Variants in ZNF420 observed in about 807,000 individuals in gnomAD.
ZNF420 encodes the protein zinc finger protein 420, also known as ATM and p53-associated KZNF protein.
ZNF420 carries 31 observed loss-of-function variants against 44.7 expected under a neutral mutation model. The ratio of observed to expected loss-of-function variants is 0.69; its 90% CI spans 0.52 to 0.94. The LOEUF (loss-of-function observed/expected upper bound fraction) is 0.94. Among genes scored for constraint, ZNF420 ranks in the 40% least tolerant of loss-of-function variants. The pLI is 0.00. For synonymous variants in ZNF420, 245 were observed against 267.4 expected (o/e 0.92, Z 0.82); for missense variants, 681 against 827.9 (o/e 0.82, Z 2.18).
chr19:37,114,402 G>A (rs1187600633), intron 4 of ZNF420, among the ~76,000 whole-genome samples: 3 of 147,316 alleles, frequency 2.0e-5, no homozygotes. Context: ...ACTGTATTTG[G>A]ATTGGCATTG....
intron 1 of ZNF420, among the ~76,000 whole-genome samples, chr19:37,025,574 T>C (rs1813132650): frequency 6.6e-6 from 1 of 152,076 alleles, no homozygotes; most frequent in Admixed American, 6.6e-5. Context: ...CTACCTATCA[T>C]GTACTTGTTT....
chr19:37,034,189 G>T (rs1233077782), intron 1 of ZNF420, among the ~76,000 whole-genome samples: 1 of 151,546 alleles, frequency 6.6e-6, no homozygotes, highest in Non-Finnish European at 1.5e-5. Context: ...ATTTTTTCCT[G>T]TTTTTTTGAT....
chr19:37,127,455 C>T lies in ZNF420; in HGVS notation c.464C>T (p.Thr155Ile). Residue 155 changes from threonine to isoleucine, a missense_variant, in exon 5 of 5, where the codon ACA (threonine) becomes ATA (isoleucine). Thr to Ile is a moderately conservative substitution (Grantham distance 89, BLOSUM62 -1). This residue lies in a region of ZNF420 where 350 missense variants were observed against 382.5 expected (regional missense o/e 0.92). Coordinates refer to ENST00000337995, the MANE Select transcript of ZNF420 (RefSeq NM_144689.5). ...GKAFRRASHL[T>I]QHQSIHTGEK... is the part of the protein sequence containing the mutation. ...GCCTTCAGACGAGCCTCACACCTAA[C>T]ACAACATCAAAGTATTCATACTGGT... The T allele has an allele frequency of 6.2e-7, 1 of 1,613,990 alleles. No homozygotes were observed. The highest frequency in any genetic ancestry group is 8.5e-7 in the Non-Finnish European group (1 of 1,179,972).
Position 37,129,954 on chromosome 19 carries a change from A to C in ZNF420, c.*896A>C. On this transcript the variant is annotated 3_prime_UTR_variant, in exon 5 of 5. Coordinates refer to ENST00000337995, the MANE Select transcript of ZNF420 (RefSeq NM_144689.5). Reference sequence around the variant, plus strand: ...CTATTTTGCAATGAAAAATGATGAGAGTTTGTGATACAGACTGCTTTTTTC... The same window carrying C: ...CTATTTTGCAATGAAAAATGATGAGCGTTTGTGATACAGACTGCTTTTTTC... 1 of 1,405,626 alleles carries C rather than the reference A, an allele frequency of 7.1e-7. No individual in the cohort carries two copies. Among genetic ancestry groups the C allele is most frequent in the Non-Finnish European group, 9.3e-7 (1 of 1,075,334 alleles). The allele number at this position is 1,405,626 out of a possible 1,614,324, so 87.1% of individuals were successfully genotyped here. A position where few individuals can be genotyped will look rare whatever the true frequency, so the allele number is the denominator to read the frequency against.
chr19:37,033,819 T>G (rs1172183752), intron 1 of ZNF420, among the ~76,000 whole-genome samples: 1 of 152,200 alleles, frequency 6.6e-6, no homozygotes, highest in East Asian at 1.9e-4. Context: ...TTCAGTGGCA[T>G]GATCTCAGCT....
chr19:37,116,031 G>C (rs559074694), intron 4 of ZNF420, among the ~76,000 whole-genome samples: 1 of 152,084 alleles, frequency 6.6e-6, no homozygotes, highest in Admixed American at 6.6e-5. Context: ...CACAAGGTTG[G>C]GGGTAGGGTT....
At chr19:37,027,673 T>C (rs1393768915) in intron 1 of ZNF420, among the ~76,000 whole-genome samples, 2 of 152,230 alleles carry the variant, frequency 1.3e-5, no homozygotes, top group Non-Finnish European at 2.9e-5. Context: ...ATTGGAACTA[T>C]ACACTATGTG....
chr19:37,115,424 T>C (rs941076581), intron 4 of ZNF420, among the ~76,000 whole-genome samples: 14 of 151,956 alleles, frequency 9.2e-5, no homozygotes, highest in African/African-American at 3.4e-4. Context: ...GGCAGGACCG[T>C]AGGGTAATAG....
intron 1 of ZNF420, among the ~76,000 whole-genome samples, chr19:37,008,586 C>A (rs2074545998): frequency 6.6e-6 from 1 of 152,200 alleles, no homozygotes; most frequent in Non-Finnish European, 1.5e-5. Flanking sequence ...GGTTTTAAGT[C>A]CGCGAGACTC....
At chr19:37,018,716 C>T (rs1236381469) in intron 1 of ZNF420, among the ~76,000 whole-genome samples, 6 of 152,056 alleles carry the variant, frequency 3.9e-5, no homozygotes, top group African/African-American at 1.4e-4. Context: ...TATAGGTGTG[C>T]ACCACCATGC....
chr19:37,008,234 T>C (rs2074543264), intron 1 of ZNF420, among the ~76,000 whole-genome samples: 1 of 152,068 alleles, frequency 6.6e-6, no homozygotes, highest in South Asian at 2.1e-4. Flanking sequence ...GGGATGTTTG[T>C]GTACCACTGC....
At chr19:37,104,876 T>A (rs1196961465) in intron 4 of ZNF420, among the ~76,000 whole-genome samples, 1 of 152,208 alleles carries the variant, frequency 6.6e-6, no homozygotes, top group African/African-American at 2.4e-5. Context: ...AAATTTGAGT[T>A]CTTTGTAGAT....
chr19:37,105,411 A>G (rs1360466516), intron 4 of ZNF420, among the ~76,000 whole-genome samples: 2 of 152,252 alleles, frequency 1.3e-5, no homozygotes, highest in East Asian at 1.9e-4. Context: ...GCCTTGTAGT[A>G]TAGTTTGAGG....
intron 1 of ZNF420, among the ~76,000 whole-genome samples, chr19:37,034,513 T>C (rs1443185264): frequency 1.3e-5 from 2 of 152,236 alleles, no homozygotes; most frequent in African/African-American, 4.8e-5. Context: ...TTGCTTATTT[T>C]TTTCTTTTGT....
chr19:37,054,346 G>T (rs1034060131), intron 1 of ZNF420, among the ~76,000 whole-genome samples: 2 of 152,182 alleles, frequency 1.3e-5, no homozygotes, highest in Non-Finnish European at 2.9e-5. Context: ...CTCATGCTGG[G>T]TGTGCTGCAC....
chr19:37,039,874 A>G (rs2082010), intron 1 of ZNF420, among the ~76,000 whole-genome samples: 77,482 of 151,518 alleles, frequency 0.51, 20,273 homozygotes, highest in African/African-American at 0.58. Context: ...CTACTTTTTG[A>G]TTTGTTTTTT....
At chr19:37,014,828 A>G (rs1469242146) in intron 1 of ZNF420, among the ~76,000 whole-genome samples, 1 of 152,110 alleles carries the variant, frequency 6.6e-6, no homozygotes, top group East Asian at 1.9e-4. Flanking sequence ...CTCCTCTCTG[A>G]GGGATCAGCA....
intron 1 of ZNF420, among the ~76,000 whole-genome samples, chr19:37,062,197 TAAAGG>T (rs1308645398): frequency 1.3e-5 from 2 of 152,140 alleles, no homozygotes; most frequent in African/African-American, 4.8e-5. Flanking sequence ...ATCATGTAAG[TAAAGG>T]AATGAGGCAG....
intron 1 of ZNF420, among the ~76,000 whole-genome samples, chr19:37,056,525 C>T (rs1186417408): frequency 6.6e-6 from 1 of 152,176 alleles, no homozygotes; most frequent in African/African-American, 2.4e-5. Context: ...GGTGTCTTCT[C>T]GCAGGAGCCC....
Sources: allele counts gnomAD v4.1 joint callset (sites outside exome capture counted in the v4.1 genomes callset), GRCh38; gene constraint gnomAD v4.1.1; regional missense constraint gnomAD v4.1.1; transcripts MANE v1.5; gene names NCBI Gene and HGNC (gene_info 2026-07-23, HGNC 2026-07-21).